Variants in ADGRV1 observed in about 807,000 individuals in gnomAD.
The protein encoded by ADGRV1 is G-protein coupled receptor 98.
ADGRV1 carries 359 observed loss-of-function variants against 596.2 expected under a neutral mutation model. The ratio of observed to expected loss-of-function variants is 0.60; its 90% CI spans 0.55 to 0.66. The LOEUF (loss-of-function observed/expected upper bound fraction) is 0.66, where lower values mean the gene tolerates loss of function less well. Among genes scored for constraint, ADGRV1 ranks in the 30% least tolerant of loss-of-function variants. The pLI is 0.00. For missense variants in ADGRV1, 7,274 were observed against 7,575.6 expected (o/e 0.96, Z 1.48); for synonymous variants, 2,681 against 2,679.2 (o/e 1.00, Z -0.02).
chr5:90,789,809 C>T lies in ADGRV1; in HGVS notation c.14001C>T (p.Thr4667=). Residue 4667 remains threonine (T), a synonymous_variant, in exon 69 of 90, where the codon ACC becomes ACT. Transcript: ENST00000405460. ...PLALEGPLLI[T]FFVRRVKGTF... is the part of the protein sequence containing the mutation. ...CTCTGGAAGGGCCCCTGCTCATTAC[C>T]TTCTTTGTCAGAAGAGTCAAGGGCA... is the stretch of plus-strand genomic sequence containing the variant. 1 of 1,497,226 alleles carries T rather than the reference C, an allele frequency of 6.7e-7. No homozygotes were observed. The highest frequency in any genetic ancestry group is 8.9e-7 in the Non-Finnish European group (1 of 1,120,072). The allele number at this position is 1,497,226 out of a possible 1,614,324, so 92.7% of individuals were successfully genotyped here.
chr5:91,109,011 A>G (rs1186075643), intron 87 of ADGRV1, among the ~76,000 whole-genome samples: 1 of 152,224 alleles, frequency 6.6e-6, no homozygotes, highest in Admixed American at 6.5e-5. Flanking sequence ...TCAAAGGTGA[A>G]CTACCAAACT....
intron 59 of ADGRV1, among the ~76,000 whole-genome samples, chr5:90,764,204 G>T (rs527569479): frequency 6.6e-6 from 1 of 152,334 alleles, no homozygotes; most frequent in East Asian, 1.9e-4. Context: ...TGGCTCTGCA[G>T]TGCAGCTGCA....
At chr5:90,866,825 T>C (rs1275022938) in intron 83 of ADGRV1, among the ~76,000 whole-genome samples, 2 of 152,162 alleles carry the variant, frequency 1.3e-5, no homozygotes, top group African/African-American at 4.8e-5. Context: ...GTTTTTATTA[T>C]GTCATAGAAG....
At chr5:91,124,109 C>T (rs1251369291) in intron 87 of ADGRV1, among the ~76,000 whole-genome samples, 1 of 152,100 alleles carries the variant, frequency 6.6e-6, no homozygotes, top group African/African-American at 2.4e-5. Context: ...TCTTCAGTTG[C>T]TTTTACTTCC....
At chr5:91,106,495 A>G (rs1235051608) in intron 87 of ADGRV1, among the ~76,000 whole-genome samples, 3 of 152,120 alleles carry the variant, frequency 2.0e-5, no homozygotes, top group Non-Finnish European at 4.4e-5. Context: ...TTATATTTCT[A>G]TTTCTGAGAA....
At chr5:90,983,318 T>G (rs1015301348) in intron 84 of ADGRV1, among the ~76,000 whole-genome samples, 2 of 152,140 alleles carry the variant, frequency 1.3e-5, no homozygotes, top group Non-Finnish European at 2.9e-5. Flanking sequence ...GCTGACAGGT[T>G]GAGTAATTCT....
In ADGRV1 at chr5:90,622,616, G is replaced by A. The variant is rs1236604296; in HGVS notation, c.473G>A (p.Ser158Asn). ...CAATAGCTTCCCTCAATCGCAGTGA[G>A]TGAGCCCAAGGGCAGAAATGAGTCT... ...SFNMLPSIAV[S>N]EPKGRNESMP... The change falls in exon 5 of 90, where the codon AGT (serine) becomes AAT (asparagine). Residue 158 changes from serine (S) to asparagine (N), a missense_variant. Around this residue, in one of 5 missense-constraint regions of ADGRV1, gnomAD observed 1,715 missense variants for 1,708.8 expected, o/e 1.00. Transcript: ENST00000405460. 6.8e-7 allele frequency: 1 copy of A among 1,472,560 alleles called. No individual in the cohort carries two copies. 91.2% of individuals were successfully genotyped at this position (1,472,560 alleles called of 1,614,324 possible).
intron 1 of ADGRV1, among the ~76,000 whole-genome samples, chr5:90,594,238 A>T (rs1426526035): frequency 6.6e-6 from 1 of 152,100 alleles, no homozygotes; most frequent in East Asian, 1.9e-4. Context: ...GGGAGGTACC[A>T]GGTGAGAGGT....
intron 11 of ADGRV1, among the ~76,000 whole-genome samples, chr5:90,639,036 CA>C (rs1766620362): frequency 6.7e-6 from 1 of 150,032 alleles, no homozygotes; most frequent in South Asian, 2.1e-4. Context: ...AAATACCAAG[CA>C]AACAAAAAAA....
chr5:91,036,909 A>G (rs1023949027), intron 85 of ADGRV1, among the ~76,000 whole-genome samples: 3 of 152,226 alleles, frequency 2.0e-5, no homozygotes, highest in Admixed American at 1.3e-4. Context: ...GTTAAAGATT[A>G]TACAACTTAG....
At chr5:91,062,501 T>C (rs903404173) in intron 85 of ADGRV1, among the ~76,000 whole-genome samples, 3 of 152,180 alleles carry the variant, frequency 2.0e-5, no homozygotes, top group African/African-American at 7.2e-5. Context: ...CTGTGGAATA[T>C]GTCTGTTGCA....
At chr5:90,751,630 T>C (rs1024043950) in intron 53 of ADGRV1, among the ~76,000 whole-genome samples, 2 of 152,186 alleles carry the variant, frequency 1.3e-5, no homozygotes, top group Admixed American at 1.3e-4. Flanking sequence ...AGATGGGTTG[T>C]CTTCTTGGCT....
chr5:90,987,477 A>G (rs1780592962), intron 85 of ADGRV1, among the ~76,000 whole-genome samples: 1 of 151,790 alleles, frequency 6.6e-6, no homozygotes, highest in African/African-American at 2.4e-5. Flanking sequence ...CTCAAAAAAA[A>G]AAAAAAAAAA....
intron 1 of ADGRV1, among the ~76,000 whole-genome samples, chr5:90,566,007 ATTTTGT>A (rs1481457760): frequency 2.6e-5 from 4 of 151,714 alleles, no homozygotes; most frequent in Non-Finnish European, 4.4e-5. Context: ...TAAAAATAGG[ATTTTGT>A]TTTTGTTTTT....
intron 1 of ADGRV1, among the ~76,000 whole-genome samples, chr5:90,575,155 C>A (rs1435810170): frequency 1.3e-5 from 2 of 150,882 alleles, no homozygotes; most frequent in African/African-American, 4.9e-5. Context: ...TCTTTTTTTC[C>A]TAGTTTTTTT....
At chr5:90,645,890 A>C (rs1311002281) in intron 15 of ADGRV1, 78 bp from the exon 16 acceptor site, 1 of 1,185,020 alleles carries the variant, frequency 8.4e-7, no homozygotes, top group Non-Finnish European at 1.1e-6. Flanking sequence ...TTTTTAAAAA[A>C]ACTGAATAAT....
intron 64 of ADGRV1, chr5:90,780,056 A>C (rs1205856315): frequency 6.6e-6 from 1 of 152,186 alleles, no homozygotes; most frequent in Admixed American, 6.5e-5. Context: ...AATATAGTAA[A>C]AAGTTTGAGC....
chr5:91,106,014 C>G (rs990671884), intron 87 of ADGRV1, among the ~76,000 whole-genome samples: 2 of 150,438 alleles, frequency 1.3e-5, no homozygotes, highest in Middle Eastern at 3.2e-3. Context: ...ATTTATAAAC[C>G]TTTTATAAAT....
chr5:90,891,099 CA>C (rs1187073440), intron 83 of ADGRV1, among the ~76,000 whole-genome samples: 2 of 149,936 alleles, frequency 1.3e-5, no homozygotes, highest in Non-Finnish European at 1.5e-5. Flanking sequence ...TTTCTTTAAA[CA>C]AAAAAGTTTG....
Sources: allele counts gnomAD v4.1 joint callset (sites outside exome capture counted in the v4.1 genomes callset), GRCh38; gene constraint gnomAD v4.1.1; regional missense constraint gnomAD v4.1.1; transcripts MANE v1.5; gene names NCBI Gene and HGNC (gene_info 2026-07-23, HGNC 2026-07-21).